The following RAD50 variants were observed in gnomAD, a reference collection of about 807,000 sequenced individuals.
RAD50 encodes the protein DNA repair protein RAD50.
RAD50 carries 132 observed loss-of-function variants against 168.8 expected under a neutral mutation model. The ratio of observed to expected loss-of-function variants is 0.78; its 90% confidence interval spans 0.68 to 0.90. RAD50 has a LOEUF of 0.90. RAD50 is among the 40% of genes least tolerant of loss of function. The pLI is 0.00. For synonymous variants in RAD50, 525 were observed against 497.4 expected (o/e 1.06, Z -0.74); for missense variants, 1,347 against 1,534.4 (o/e 0.88, Z 2.04).
Position 132,608,723 on chromosome 5 carries a change from AAAGT to A in RAD50, c.2829+2_2829+5del. The A allele has an allele frequency of 6.3e-7, 1 of 1,578,316 alleles. No individual in the cohort carries two copies. The highest frequency in any genetic ancestry group is 8.6e-7 in the Non-Finnish European group (1 of 1,162,214). On this transcript the variant is annotated splice_donor_variant and coding_sequence_variant, in exon 17 of 25. Transcript: ENST00000378823. LOFTEE classifies it high-confidence loss of function. Reference sequence around the variant, plus strand: ...TACAAGCAACAAAATAGCACAGGATAAAGTAAGATTTCATTTATATATTTACTTA... The same window carrying A: ...TACAAGCAACAAAATAGCACAGGATAAAGATTTCATTTATATATTTACTTA...
At chr5:132,608,194 A>G (rs974296406) in intron 16 of RAD50, among the ~76,000 whole-genome samples, 1 of 152,218 alleles carries the variant, frequency 6.6e-6, no homozygotes, top group Admixed American at 6.5e-5. Flanking sequence ...GAGCTTTCCT[A>G]TTCTTTGATC....
rs863224407 is a variant in RAD50 at position 132,591,215 on chromosome 5, A to G, written c.1453-9A>G. The G allele has an allele frequency of 6.3e-7, 1 of 1,599,878 alleles. No individual in the cohort carries two copies. Among genetic ancestry groups the G allele is most frequent in the Middle Eastern group, 1.7e-4 (1 of 6,028 alleles). Reference sequence around the variant, plus strand: ...TAACACCTTTGCATTTGTATGAATTATTGACTAGGAACGTGAGTTAAGCAA... The same window carrying G: ...TAACACCTTTGCATTTGTATGAATTGTTGACTAGGAACGTGAGTTAAGCAA... On this transcript the variant is annotated splice_polypyrimidine_tract_variant and intron_variant, in intron 9 of 24. Transcript: ENST00000378823.
At chr5:132,558,699 G>A (rs538395607) in intron 1 of RAD50, among the ~76,000 whole-genome samples, 1 of 138,078 alleles carries the variant, frequency 7.2e-6, no homozygotes, top group Admixed American at 7.9e-5. Flanking sequence ...GGGTGACAGA[G>A]GGAGACTCTC....
intron 19 of RAD50, among the ~76,000 whole-genome samples, chr5:132,615,318 A>G (rs1487949711): frequency 6.6e-6 from 1 of 152,148 alleles, no homozygotes; most frequent in African/African-American, 2.4e-5. Context: ...AGAACAGCCA[A>G]TTTTTTGAAA....
chr5:132,586,719 G>T (rs1002709931), intron 5 of RAD50, among the ~76,000 whole-genome samples: 3 of 152,126 alleles, frequency 2.0e-5, no homozygotes, highest in African/African-American at 7.2e-5. Flanking sequence ...ATTAGGTTCT[G>T]CTGGGCATGG....
intron 21 of RAD50, among the ~76,000 whole-genome samples, chr5:132,630,101 GGT>G (rs1751437081): frequency 1.4e-5 from 2 of 147,610 alleles, no homozygotes; most frequent in Non-Finnish European, 3.0e-5. Flanking sequence ...GGACTCCAAT[GGT>G]GCGATCTCAG....
chr5:132,580,837 A>G (rs954978084), intron 5 of RAD50, among the ~76,000 whole-genome samples: 2 of 152,192 alleles, frequency 1.3e-5, no homozygotes, highest in African/African-American at 2.4e-5. Context: ...ATTCTTAAAA[A>G]TGGCTATTTG....
At chr5:132,588,924 T>G (rs1750647912) in intron 8 of RAD50, 44 bp downstream of exon 8, 3 of 1,550,956 alleles carry the variant, frequency 1.9e-6, no homozygotes, top group Non-Finnish European at 2.7e-6. Context: ...GTTTGCATCA[T>G]ATTCTCTACT....
At chr5:132,586,207 C>T (rs1355554539) in intron 5 of RAD50, among the ~76,000 whole-genome samples, 8 of 152,046 alleles carry the variant, frequency 5.3e-5, no homozygotes, top group Admixed American at 1.3e-4. Flanking sequence ...TACAAATGTC[C>T]ACTTCTTCTA....
intron 5 of RAD50, among the ~76,000 whole-genome samples, chr5:132,584,495 C>T (rs1750560498): frequency 6.6e-6 from 1 of 152,142 alleles, no homozygotes. Flanking sequence ...TTTTGCTGTG[C>T]AGAAGCTCTT....
intron 21 of RAD50, among the ~76,000 whole-genome samples, chr5:132,623,031 C>G (rs968648169): frequency 6.6e-6 from 1 of 152,152 alleles, no homozygotes; most frequent in African/African-American, 2.4e-5. Flanking sequence ...CATTAATTTT[C>G]CACTCTTTCA....
At chr5:132,599,039 A>C (rs1211673708) in intron 13 of RAD50, among the ~76,000 whole-genome samples, 1 of 152,106 alleles carries the variant, frequency 6.6e-6, no homozygotes, top group Non-Finnish European at 1.5e-5. Context: ...ACATTTGTAT[A>C]TTCTATATTG....
At chr5:132,558,006 CTT>C (rs80037304) in intron 1 of RAD50, among the ~76,000 whole-genome samples, 15 of 142,658 alleles carry the variant, frequency 1.1e-4, no homozygotes, top group Admixed American at 1.4e-4. Flanking sequence ...GCACGACTGA[CTT>C]TTTTTTTTTT....
At chr5:132,560,051 TACACAC>T (rs143575412) in intron 2 of RAD50, among the ~76,000 whole-genome samples, 63 of 147,680 alleles carry the variant, frequency 4.3e-4, no homozygotes, top group African/African-American at 9.6e-4. Flanking sequence ...GAAACAACAA[TACACAC>T]ACACACACAC....
At chr5:132,569,536 A>G (rs1034720043) in intron 2 of RAD50, among the ~76,000 whole-genome samples, 6 of 150,070 alleles carry the variant, frequency 4.0e-5, no homozygotes, top group African/African-American at 1.3e-4. Flanking sequence ...TGCAAGGTCA[A>G]TTGGAGATCT....
At chr5:132,572,923 G>GT (rs1750332076) in intron 2 of RAD50, among the ~76,000 whole-genome samples, 3 of 152,174 alleles carry the variant, frequency 2.0e-5, no homozygotes, top group Admixed American at 2.0e-4. Context: ...GCTGTGTAAT[G>GT]TAACATTCAC....
At chr5:132,590,447 G>A (rs1750678265) in intron 9 of RAD50, among the ~76,000 whole-genome samples, 1 of 152,168 alleles carries the variant, frequency 6.6e-6, no homozygotes, top group African/African-American at 2.4e-5. Context: ...TCCAGCCTGG[G>A]TGACAGAGTG....
chr5:132,629,217 C>T (rs1441867647), intron 21 of RAD50, among the ~76,000 whole-genome samples: 1 of 152,186 alleles, frequency 6.6e-6, no homozygotes, highest in Non-Finnish European at 1.5e-5. Context: ...ACAACCCTTG[C>T]TCTGCCACTT....
Position 132,642,405 on chromosome 5 carries a change from A to G in RAD50, c.*41A>G, listed in dbSNP as rs1225156324. 6.5e-7 allele frequency: 1 copy of G among 1,538,858 alleles called. No individual in the cohort carries two copies. Among genetic ancestry groups the G allele is most frequent in the African/African-American group, 1.4e-5 (1 of 72,998 alleles). ...AAATGCCATAGAAATGTAGGTCCTC[A>G]GAAAGTGTATAATAAGAAACTTATT... On this transcript the variant is annotated 3_prime_UTR_variant, in exon 25 of 25. Coordinates refer to ENST00000378823, the MANE Select transcript of RAD50 (RefSeq NM_005732.4).
Sources: allele counts gnomAD v4.1 joint callset (sites outside exome capture counted in the v4.1 genomes callset), GRCh38; gene constraint gnomAD v4.1.1; transcripts MANE v1.5; gene names NCBI Gene and HGNC (gene_info 2026-07-23, HGNC 2026-07-21).